Variants in MUC5B observed in about 807,000 individuals in gnomAD.
The protein encoded by MUC5B is mucin 5B, oligomeric mucus/gel-forming, also known as mucin-5B.
In MUC5B, 116 loss-of-function variants were observed where a neutral mutation model predicts 376.9. That is an observed-to-expected ratio of 0.31 (90% CI 0.26 to 0.36). The LOEUF (loss-of-function observed/expected upper bound fraction) is 0.36. Ranked by LOEUF, MUC5B falls within the 10% of genes least tolerant of loss-of-function variation. The pLI is 1.00. For synonymous variants in MUC5B, 3,517 were observed against 3,390.9 expected, an observed-to-expected ratio of 1.04 and a Z score of -1.29; for missense variants, 7,165 against 7,769.9, an observed-to-expected ratio of 0.92 and a Z score of 2.93.
At position 1,249,056 on chromosome 11, in the gene MUC5B, C is replaced by G. The variant is rs774360036; in HGVS notation, c.12176C>G (p.Thr4059Ser). The G allele has an allele frequency of 2.5e-6, 4 of 1,610,712 alleles. No homozygotes were observed. The highest frequency in any genetic ancestry group is 1.7e-5 in the Admixed American group (1 of 59,924). The part of the protein sequence containing the change: ...SHTPAATTGT[T>S]QHSTPALSSP... ...ACCCCAGCAGCAACCACCGGTACCA[C>G]CCAGCACTCGACTCCAGCCCTGTCC... Residue 4059 changes from threonine to serine, a missense_variant, in exon 31 of 49, where the codon ACC becomes AGC. Physicochemically the swap from Thr to Ser is moderately conservative, Grantham distance 58. Coordinates refer to ENST00000529681, the MANE Select transcript of MUC5B (RefSeq NM_002458.3).
In MUC5B at chr11:1,245,640, G is replaced by A; in HGVS notation, c.8760G>A (p.Gln2920=). Residue 2920 remains glutamine (Q), a synonymous_variant, in exon 31 of 49, where the codon CAG becomes CAA. Transcript: ENST00000529681. ...CCCTGGGCCTCGAGTGCCGTGCCCA[G>A]GCCCAGCCTGGTGTCCCCCTGCGGG... ...EQPLGLECRA[Q]AQPGVPLREL... The A allele has an allele frequency of 6.3e-7, 1 of 1,599,326 alleles. No homozygotes were observed. Among genetic ancestry groups the A allele is most frequent in the East Asian group, 2.2e-5 (1 of 44,636 alleles).
chr11:1,249,362 C>T lies in MUC5B; in HGVS notation c.12482C>T (p.Ala4161Val). 2.5e-6 allele frequency: 4 copies of T among 1,610,890 alleles called. No homozygotes were observed. Among genetic ancestry groups the T allele is most frequent in the Non-Finnish European group, 3.4e-6 (4 of 1,179,508 alleles). The change falls in exon 31 of 49, where the codon GCC becomes GTC. Residue 4161 changes from alanine to valine, a missense_variant. Coordinates refer to ENST00000529681, the MANE Select transcript of MUC5B (RefSeq NM_002458.3). ...DFDTYSNIRA[A>V]GGAVCEQPLG... ...GACACCTACTCCAACATCCGTGCGG[C>T]CGGAGGGGCCGTCTGTGAGCAGCCC...
In MUC5B at chr11:1,246,116, C is replaced by A; in HGVS notation, c.9236C>A (p.Thr3079Asn). Residue 3079 changes from threonine to asparagine, a missense_variant, in exon 31 of 49, where the codon ACC becomes AAC. By Grantham distance (65) the Thr-to-Asn change is moderately conservative (BLOSUM62 0). Coordinates refer to ENST00000529681, the MANE Select transcript of MUC5B (RefSeq NM_002458.3). Reference sequence around the variant, plus strand: ...TCCTTCACCCTTGGGACCACCGGGACCCTCCCAGAACAGACCACCACACCC... The same window carrying A: ...TCCTTCACCCTTGGGACCACCGGGAACCTCCCAGAACAGACCACCACACCC... Reference protein sequence around the residue: ...IPSFTLGTTGTLPEQTTTPMA... With the variant: ...IPSFTLGTTGNLPEQTTTPMA... 6.2e-7 allele frequency: 1 copy of A among 1,613,088 alleles called. No homozygotes were observed. The highest frequency in any genetic ancestry group is 8.5e-7 in the Non-Finnish European group (1 of 1,179,558).
At chr11:1,233,593 C>T (rs1862083726) in intron 18 of MUC5B, among the ~76,000 whole-genome samples, 200 bp from the exon 19 acceptor site, 1 of 152,156 alleles carries the variant, frequency 6.6e-6, no homozygotes. Context: ...GGCTGCTTTG[C>T]TGCCCCCCTG....
rs1861979409 is a variant in MUC5B at position 1,229,796 on chromosome 11, C to G, written c.1209C>G (p.Thr403=). 1 of 1,599,238 alleles carries G rather than the reference C, an allele frequency of 6.3e-7. No homozygotes were observed. Among genetic ancestry groups the G allele is most frequent in the Non-Finnish European group, 8.5e-7 (1 of 1,174,364 alleles). Residue 403 remains threonine, a synonymous_variant, in exon 10 of 49, where the codon ACC becomes ACG. Transcript: ENST00000529681. ...GCCCGGGCACCTCCTTCAACACCAC[C>G]TGCAGCTCCTGGTACTTATGAGCCC... ...TYSPGTSFNT[T]CSSCTCSGGL...
chr11:1,258,962 C>A lies in MUC5B; in HGVS notation c.16614C>A (p.Gly5538=), dbSNP rs540837204. ...TFYGVGATFP[G]ALPCHMCTCL... is the part of the protein sequence containing the mutation. ...TGCAGGTTGGTGCAACCTTCCCAGG[C>A]GCCCTTCCCTGCCACATGTGTACCT... The change falls in exon 44 of 49, where the codon GGC becomes GGA. Residue 5538 remains glycine, a synonymous_variant. Transcript: ENST00000529681. This position sits in a 1 kb window ranked among gnomAD's most constrained non-coding sequence, Gnocchi z 5.5. 1.9e-6 allele frequency: 3 copies of A among 1,552,004 alleles called. No homozygotes were observed. The highest frequency in any genetic ancestry group is 2.4e-5 in the East Asian group (1 of 41,012).
At position 1,242,801 on chromosome 11, in the gene MUC5B, C is replaced by T. The variant is rs764067000; in HGVS notation, c.5921C>T (p.Thr1974Ile). Residue 1974 changes from threonine (T) to isoleucine (I), a missense_variant, in exon 31 of 49, where the codon ACA becomes ATA. Coordinates refer to ENST00000529681, the MANE Select transcript of MUC5B (RefSeq NM_002458.3). The stretch of plus-strand genomic sequence containing the variant: ...CCAGCACTGAGAAGCACAGCCACCA[C>T]ACCCACAGCTACCAGCGTTACACCC... ...ALPALRSTAT[T>I]PTATSVTPIP... The T allele has an allele frequency of 1.2e-5, 19 of 1,613,178 alleles. No individual in the cohort carries two copies. The highest frequency in any genetic ancestry group is 2.7e-5 in the African/African-American group (2 of 74,770).
chr11:1,239,093 G>A (rs1249048730), intron 26 of MUC5B, 66 bp downstream of exon 26: 2 of 1,525,682 alleles, frequency 1.3e-6, no homozygotes, highest in Non-Finnish European at 1.8e-6. Context: ...AGGTGTGGCA[G>A]CCTCCGAAGG....
At chr11:1,225,217 C>A (rs1861852762) in intron 1 of MUC5B, among the ~76,000 whole-genome samples, 1 of 152,268 alleles carries the variant, frequency 6.6e-6, no homozygotes, top group Non-Finnish European at 1.5e-5. Flanking sequence ...CTGGAAGGCT[C>A]CAAGTGTGTC....
rs201216315 is a variant in MUC5B at position 1,251,029 on chromosome 11, G to A, written c.14149G>A (p.Ala4717Thr). 7.7e-5 allele frequency: 124 copies of A among 1,609,546 alleles called. 5 individuals carry two copies. Among genetic ancestry groups the A allele is most frequent in the East Asian group, 5.1e-4 (23 of 44,784 alleles). Residue 4717 changes from alanine to threonine, a missense_variant, in exon 31 of 49, where the codon GCA (alanine) becomes ACA (threonine). Physicochemically the swap from Ala to Thr is moderately conservative, Grantham distance 58 (BLOSUM62 0). Around this residue, in one of 31 missense-constraint regions of MUC5B, gnomAD observed 730 missense variants for 592.7 expected, o/e 1.23. Transcript: ENST00000529681. ...GCTGACCAGCACGGCCACCACACCCGCAGCCACCAGCTCCAAAGCCACTTC... is the reference window on the plus strand; with the variant it reads ...GCTGACCAGCACGGCCACCACACCCACAGCCACCAGCTCCAAAGCCACTTC... ...PVLTSTATTP[A>T]ATSSKATSSS...
chr11:1,240,102 G>T lies in MUC5B; in HGVS notation c.3772+14G>T. 6.4e-7 allele frequency: 1 copy of T among 1,561,432 alleles called. No individual in the cohort carries two copies. The highest frequency in any genetic ancestry group is 8.7e-7 in the Non-Finnish European group (1 of 1,150,932). On this transcript the variant is annotated intron_variant, in intron 29 of 48. Transcript: ENST00000529681. Reference sequence around the variant, plus strand: ...ACAGCCTTGAGGGTAAGGAAGGGCCGGGGGGTTAGTGGGCCGGTGAAGGCT... The same window carrying T: ...ACAGCCTTGAGGGTAAGGAAGGGCCTGGGGGTTAGTGGGCCGGTGAAGGCT...
chr11:1,239,427 C>G lies in MUC5B; in HGVS notation c.3455-11C>G. On this transcript the variant is annotated splice_polypyrimidine_tract_variant and intron_variant, in intron 26 of 48. Transcript: ENST00000529681. ...TGGGCGCCTCCTTAGCCTCTGCCCT[C>G]TGTGCCCCAGCCTTGTTCTGTGACT... The G allele has an allele frequency of 3.1e-6, 5 of 1,605,114 alleles. No individual in the cohort carries two copies. The highest frequency in any genetic ancestry group is 3.4e-6 in the Non-Finnish European group (4 of 1,174,304).
At position 1,246,091 on chromosome 11, in the gene MUC5B, T is replaced by A. The variant is rs749833892; in HGVS notation, c.9211T>A (p.Ser3071Thr). 6.2e-6 allele frequency: 10 copies of A among 1,610,960 alleles called. No homozygotes were observed. Among genetic ancestry groups the A allele is most frequent in the Non-Finnish European group, 6.8e-6 (8 of 1,179,094 alleles). ...AGCTACCAGCTTTACACCCATCCCC[T>A]CCTTCACCCTTGGGACCACCGGGAC... ...STATSFTPIPSFTLGTTGTLP... is the reference protein window; with the variant it reads ...STATSFTPIPTFTLGTTGTLP... The change falls in exon 31 of 49, where the codon TCC (serine) becomes ACC (threonine). Residue 3071 changes from serine to threonine, a missense_variant. By Grantham distance (58) the Ser-to-Thr change is moderately conservative. This residue lies in a region of MUC5B where 939 missense variants were observed against 770.6 expected (regional missense o/e 1.22). Coordinates refer to ENST00000529681, the MANE Select transcript of MUC5B (RefSeq NM_002458.3).
At position 1,242,353 on chromosome 11, in the gene MUC5B, C is replaced by G. The variant is rs371946319; in HGVS notation, c.5473C>G (p.Pro1825Ala). The change falls in exon 31 of 49, where the codon CCA becomes GCA. Residue 1825 changes from proline (P) to alanine (A), a missense_variant. Physicochemically the swap from Pro to Ala is conservative, Grantham distance 27. This residue lies in a region of MUC5B where 897 missense variants were observed against 779.6 expected (regional missense o/e 1.15). Coordinates refer to ENST00000529681, the MANE Select transcript of MUC5B (RefSeq NM_002458.3). ...RAAGGKMCWA[P>A]KSIECRAENY... ...TGCTGGGGGCAAGATGTGCTGGGCA[C>G]CAAAGAGCATAGAGTGCCGGGCGGA... is the stretch of plus-strand genomic sequence containing the variant. The G allele has an allele frequency of 2.6e-5, 42 of 1,613,746 alleles. No homozygotes were observed. The highest frequency in any genetic ancestry group is 3.4e-5 in the Non-Finnish European group (40 of 1,179,862).
rs200138247 is a variant in MUC5B at position 1,243,565 on chromosome 11, G to C, written c.6685G>C (p.Glu2229Gln). ...SGILGTTHIT[E>Q]PSTVTSHTLA... ...CATCTTGGGCACCACCCACATCACAGAGCCTTCCACGGTGACTTCCCACAC... is the reference window on the plus strand; with the variant it reads ...CATCTTGGGCACCACCCACATCACACAGCCTTCCACGGTGACTTCCCACAC... The change falls in exon 31 of 49, where the codon GAG (glutamate) becomes CAG (glutamine). Residue 2229 changes from glutamate (E) to glutamine (Q), a missense_variant. Transcript: ENST00000529681. The C allele has an allele frequency of 8.1e-3, 13,034 of 1,605,994 alleles. 27 individuals carry two copies. Among genetic ancestry groups the C allele is most frequent in the Non-Finnish European group, 8.9e-3 (10,451 of 1,176,510 alleles).
chr11:1,250,369 C>G lies in MUC5B; in HGVS notation c.13489C>G (p.Pro4497Ala). The change falls in exon 31 of 49, where the codon CCC (proline) becomes GCC (alanine). Residue 4497 changes from proline to alanine, a missense_variant. By Grantham distance (27) the Pro-to-Ala change is conservative. Around this residue, in one of 31 missense-constraint regions of MUC5B, gnomAD observed 431 missense variants for 390.4 expected, o/e 1.10. Transcript: ENST00000529681. ...TPTVTSSKAT[P>A]SSSPGTATAL... Reference sequence around the variant, plus strand: ...CACAGTCACCAGCTCCAAAGCCACTCCCTCCTCCAGTCCAGGGACTGCAAC... The same window carrying G: ...CACAGTCACCAGCTCCAAAGCCACTGCCTCCTCCAGTCCAGGGACTGCAAC... 7 of 1,613,418 alleles carry G rather than the reference C, an allele frequency of 4.3e-6. No individual in the cohort carries two copies. The highest frequency in any genetic ancestry group is 4.2e-6 in the Non-Finnish European group (5 of 1,179,656).
chr11:1,232,700 G>A lies in MUC5B; in HGVS notation c.1995G>A (p.Ala665=), dbSNP rs766088943. 7 of 1,599,804 alleles carry A rather than the reference G, an allele frequency of 4.4e-6. No individual in the cohort carries two copies. The highest frequency in any genetic ancestry group is 2.3e-5 in the East Asian group (1 of 44,092). The change falls in exon 17 of 49, where the codon GCG becomes GCA. Residue 665 remains alanine, a synonymous_variant. Coordinates refer to ENST00000529681, the MANE Select transcript of MUC5B (RefSeq NM_002458.3). ...CERSEDCLCA[A]LSSYVHACAA... ...GGAGCGAGGACTGCCTGTGCGCCGC[G>A]CTGTCCTCCTATGTGCACGCCTGTG... is the stretch of plus-strand genomic sequence containing the variant.
rs1290064739 is a variant in MUC5B at position 1,247,626 on chromosome 11, C to G, written c.10746C>G (p.Asp3582Glu). ...EPQCAWSEWL[D>E]YSYPMPGPSG... is the part of the protein sequence containing the mutation. ...AGTGTGCCTGGTCAGAGTGGCTGGACTACAGCTACCCCATGCCGGGGCCCT... is the reference window on the plus strand; with the variant it reads ...AGTGTGCCTGGTCAGAGTGGCTGGAGTACAGCTACCCCATGCCGGGGCCCT... The change falls in exon 31 of 49, where the codon GAC becomes GAG. Residue 3582 changes from aspartate to glutamate, a missense_variant. Transcript: ENST00000529681. 1.2e-6 allele frequency: 2 copies of G among 1,609,732 alleles called. No individual in the cohort carries two copies. The highest frequency in any genetic ancestry group is 2.7e-5 in the African/African-American group (2 of 74,680).
chr11:1,241,996 T>G lies in MUC5B; in HGVS notation c.5116T>G (p.Leu1706Val). 1 of 1,590,700 alleles carries G rather than the reference T, an allele frequency of 6.3e-7. No individual in the cohort carries two copies. ...AGCCCTTCCAGGGACGACGGGGAGCTTGGGCACATGGCGCCCCTCACAGCC... is the reference window on the plus strand; with the variant it reads ...AGCCCTTCCAGGGACGACGGGGAGCGTGGGCACATGGCGCCCCTCACAGCC... ...RSALPGTTGS[L>V]GTWRPSQPPT... is the part of the protein sequence containing the mutation. The change falls in exon 31 of 49, where the codon TTG (leucine) becomes GTG (valine). Residue 1706 changes from leucine (L) to valine (V), a missense_variant. Transcript: ENST00000529681.
Sources: allele counts gnomAD v4.1 joint callset (sites outside exome capture counted in the v4.1 genomes callset), GRCh38; gene constraint gnomAD v4.1.1; regional missense constraint gnomAD v4.1.1; non-coding constraint Gnocchi (gnomAD v3.1); transcripts MANE v1.5; gene names NCBI Gene and HGNC (gene_info 2026-07-23, HGNC 2026-07-21).